Variants in SDK2 observed in about 807,000 individuals in gnomAD.
SDK2 encodes the protein sidekick cell adhesion molecule 2, also known as protein sidekick-2.
SDK2 carries 105 observed loss-of-function variants against 253.9 expected under a neutral mutation model. The observed-to-expected ratio is 0.41, with a 90% CI of 0.35 to 0.49. The LOEUF is 0.49. Among genes scored for constraint, SDK2 ranks in the 20% least tolerant of loss-of-function variants. SDK2 has a pLI of 0.06. For missense variants in SDK2, 2,608 were observed against 3,003.0 expected (o/e 0.87, Z 3.07); for synonymous variants, 1,249 against 1,234.9 (o/e 1.01, Z -0.24).
intron 13 of SDK2, 25 bp downstream of exon 13, chr17:73,423,891 C>CT: frequency 6.5e-7 from 1 of 1,527,822 alleles, no homozygotes; most frequent in Admixed American, 2.0e-5. Context: ...CCGCCTCTGC[C>CT]GGGGTCTGGG....
At chr17:73,343,952 T>A (rs2062461178) in intron 44 of SDK2, among the ~76,000 whole-genome samples, 1 of 152,044 alleles carries the variant, frequency 6.6e-6, no homozygotes, top group African/African-American at 2.4e-5. Context: ...TCATCCACGG[T>A]CCCAGGGGCT....
chr17:73,615,372 G>A (rs1012067065), intron 1 of SDK2, among the ~76,000 whole-genome samples: 2 of 152,170 alleles, frequency 1.3e-5, no homozygotes, highest in African/African-American at 4.8e-5. Context: ...GTCTCTGCCC[G>A]GATGCCCTCC....
intron 12 of SDK2, among the ~76,000 whole-genome samples, chr17:73,429,629 C>T (rs1329124250): frequency 1.3e-5 from 2 of 152,252 alleles, no homozygotes; most frequent in Non-Finnish European, 1.5e-5. Flanking sequence ...GCAGGAGCGC[C>T]GGCCCCTTCT....
chr17:73,564,932 C>T (rs1224358823), intron 1 of SDK2, among the ~76,000 whole-genome samples: 2 of 152,138 alleles, frequency 1.3e-5, no homozygotes, highest in Non-Finnish European at 2.9e-5. Context: ...CAACCCTTTC[C>T]CCAGATAGCA....
At chr17:73,527,034 G>T (rs1599649955) in intron 1 of SDK2, among the ~76,000 whole-genome samples, 1 of 152,244 alleles carries the variant, frequency 6.6e-6, no homozygotes, top group East Asian at 1.9e-4. Flanking sequence ...CACACTGTGA[G>T]GGATGACTAA....
intron 2 of SDK2, among the ~76,000 whole-genome samples, chr17:73,486,689 G>A (rs1182523095): frequency 6.6e-6 from 1 of 152,054 alleles, no homozygotes; most frequent in Non-Finnish European, 1.5e-5. Context: ...GAGGGTCTGG[G>A]GTCCTGTACC....
intron 1 of SDK2, among the ~76,000 whole-genome samples, chr17:73,637,532 C>T (rs1273859301): frequency 6.6e-6 from 1 of 152,216 alleles, no homozygotes; most frequent in Non-Finnish European, 1.5e-5. Flanking sequence ...GCATGCGCCA[C>T]CACACCTGGT....
intron 1 of SDK2, among the ~76,000 whole-genome samples, chr17:73,601,218 C>T (rs1202185476): frequency 6.6e-6 from 1 of 151,956 alleles, no homozygotes; most frequent in Non-Finnish European, 1.5e-5. Flanking sequence ...CGGGGTTTCA[C>T]CATATTGGCC....
intron 36 of SDK2, among the ~76,000 whole-genome samples, chr17:73,376,926 C>T (rs763703356): frequency 5.3e-5 from 8 of 150,028 alleles, no homozygotes; most frequent in East Asian, 2.4e-4. Flanking sequence ...CATCCTAAAT[C>T]GGGACTACCT....
chr17:73,527,426 A>G (rs1383060848), intron 1 of SDK2, among the ~76,000 whole-genome samples: 1 of 152,214 alleles, frequency 6.6e-6, no homozygotes, highest in African/African-American at 2.4e-5. Flanking sequence ...GGCAGAGGGA[A>G]CAGCAGGGTA....
chr17:73,394,229 C>G lies in SDK2; in HGVS notation c.3688G>C (p.Gly1230Arg). The G allele has an allele frequency of 6.3e-7, 1 of 1,588,774 alleles. No homozygotes were observed. The highest frequency in any genetic ancestry group is 8.6e-7 in the Non-Finnish European group (1 of 1,163,832). The change falls in exon 26 of 45, where the codon GGG becomes CGG. Residue 1230 changes from glycine (G) to arginine (R), a missense_variant. Physicochemically the swap from Gly to Arg is moderately radical, Grantham distance 125 (BLOSUM62 -2). This residue lies in a region of SDK2 where 1,505 missense variants were observed against 1,859.1 expected (regional missense o/e 0.81). Transcript: ENST00000392650. ...CTCACCTTATAGCCCAGCACGAGCC[C>G]GTTGCGATCAGCCTCGGGGACCTCG... ...WSEVPEADRN[G>R]LVLGYKVMYK...
At chr17:73,457,802 G>T (rs56364001) in intron 3 of SDK2, among the ~76,000 whole-genome samples, 2 of 151,868 alleles carry the variant, frequency 1.3e-5, no homozygotes, top group Non-Finnish European at 2.9e-5. Flanking sequence ...CTAAGCTACC[G>T]GGTCCCCTCC....
Position 73,379,249 on chromosome 17 carries a change from C to T in SDK2, c.4908G>A (p.Thr1636=), listed in dbSNP as rs139388742. Reference sequence around the variant, plus strand: ...CCCAAGTCACGTCCAGCTGTGTGGCCGTGGCGCCGTGGACGACCACGTTAC... The same window carrying T: ...CCCAAGTCACGTCCAGCTGTGTGGCTGTGGCGCCGTGGACGACCACGTTAC... ...APRNVVVHGA[T]ATQLDVTWEP... Residue 1636 remains threonine, a synonymous_variant, in exon 36 of 45, where the codon ACG becomes ACA. Transcript: ENST00000392650. The surrounding 1 kb of genome is among the most constrained non-coding windows in gnomAD (Gnocchi z 4.5). 3.6e-4 allele frequency: 555 copies of T among 1,555,126 alleles called. 2 individuals carry two copies. In the African/African-American group the frequency reaches 6.4e-3, roughly 18 times the overall value.
At chr17:73,341,320 C>T (rs1347045818) in intron 44 of SDK2, among the ~76,000 whole-genome samples, 2 of 149,978 alleles carry the variant, frequency 1.3e-5, no homozygotes, top group African/African-American at 2.5e-5. Context: ...GAATCAATCT[C>T]GGTTGGAAAG....
At chr17:73,638,250 C>A (rs933543316) in intron 1 of SDK2, among the ~76,000 whole-genome samples, 3 of 152,286 alleles carry the variant, frequency 2.0e-5, no homozygotes, top group East Asian at 1.9e-4. Context: ...TCATATTATG[C>A]TGACTCCTCC....
At position 73,514,059 on chromosome 17, in the gene SDK2, C is replaced by T. The variant is rs117181568; in HGVS notation, c.65-6462G>A. Reference sequence around the variant, plus strand: ...TATTGTGGACCACAGGTATGAATTACTTATCTATGATCAGATATATGTATA... The same window carrying T: ...TATTGTGGACCACAGGTATGAATTATTTATCTATGATCAGATATATGTATA... On this transcript the variant is annotated intron_variant, in intron 1 of 44. Transcript: ENST00000392650. Among the ~76,000 whole-genome samples the T allele has an allele frequency of 3.1e-4, 47 of 152,294 alleles. No homozygotes were observed. The East Asian group carries it at 8.3e-3, about 27-fold the overall frequency.
intron 15 of SDK2, among the ~76,000 whole-genome samples, chr17:73,421,937 T>C (rs1029745875): frequency 2.6e-5 from 4 of 151,854 alleles, no homozygotes; most frequent in African/African-American, 9.7e-5. Context: ...TATGGAGATC[T>C]GTGTAGATCC....
chr17:73,637,103 C>G (rs1477348586), intron 1 of SDK2, among the ~76,000 whole-genome samples: 2 of 152,144 alleles, frequency 1.3e-5, no homozygotes, highest in Non-Finnish European at 2.9e-5. Context: ...ATAAAATAAG[C>G]CTCCAAACAA....
intron 21 of SDK2, among the ~76,000 whole-genome samples, chr17:73,400,088 T>A (rs1023396081): frequency 6.6e-6 from 1 of 152,188 alleles, no homozygotes; most frequent in African/African-American, 2.4e-5. Context: ...CCCAGCCATC[T>A]ACGCAGCAGG....
Sources: gnomAD v4.1 joint callset for allele counts (sites outside exome capture counted in the v4.1 genomes callset) on GRCh38, gnomAD v4.1.1 for gene constraint, gnomAD v4.1.1 regional missense constraint, Gnocchi (gnomAD v3.1) non-coding constraint, MANE v1.5 for transcripts, NCBI Gene and HGNC (gene_info 2026-07-23, HGNC 2026-07-21) for gene names.